RIT2: variants seen among roughly 807,000 people sequenced by gnomAD.
The protein encoded by RIT2 is GTP-binding protein Rit2.
Under a neutral mutation model 23.7 loss-of-function variants are expected in RIT2, and 24 were observed. The observed-to-expected ratio is 1.01, with a 90% confidence interval of 0.73 to 1.43. The LOEUF (loss-of-function observed/expected upper bound fraction) is 1.43. RIT2 is among the 40% of genes most tolerant of loss of function. The probability of loss-of-function intolerance (pLI) is 0.00; values close to 1 mark genes in which losing one functional copy is unlikely to be tolerated. For missense variants in RIT2, 236 were observed against 266.9 expected (o/e 0.88, Z 0.81); for synonymous variants, 107 against 91.1 (o/e 1.17, Z -0.99).
chr18:42,803,456 T>C (rs973603510), intron 4 of RIT2, among the ~76,000 whole-genome samples: 2 of 152,206 alleles, frequency 1.3e-5, no homozygotes, highest in East Asian at 3.8e-4. Flanking sequence ...TTTGATCTGA[T>C]ATTGTTTGTT....
intron 1 of RIT2, among the ~76,000 whole-genome samples, chr18:43,106,542 T>A (rs1424523554): frequency 6.6e-6 from 1 of 152,216 alleles, no homozygotes; most frequent in Non-Finnish European, 1.5e-5. Flanking sequence ...TTCAGTTCAA[T>A]TAAAGATTTT....
intron 1 of RIT2, among the ~76,000 whole-genome samples, chr18:43,062,957 GT>G (rs201375727): frequency 2.0e-5 from 3 of 151,692 alleles, no homozygotes; most frequent in Admixed American, 1.3e-4. Flanking sequence ...AAAATTTTGG[GT>G]TTTTTTTGAA....
At chr18:42,868,278 T>C (rs1907527005) in intron 4 of RIT2, among the ~76,000 whole-genome samples, 1 of 152,214 alleles carries the variant, frequency 6.6e-6, no homozygotes, top group Non-Finnish European at 1.5e-5. Flanking sequence ...CTGTCTTTTC[T>C]TCCTCAGTGG....
At chr18:42,810,972 T>C (rs1568002110) in intron 4 of RIT2, among the ~76,000 whole-genome samples, 1 of 152,074 alleles carries the variant, frequency 6.6e-6, no homozygotes. Flanking sequence ...GTATAATTTT[T>C]CCCTAGCTTT....
chr18:42,951,898 A>T (rs998990982), intron 3 of RIT2, among the ~76,000 whole-genome samples: 7 of 152,288 alleles, frequency 4.6e-5, no homozygotes, highest in Admixed American at 2.0e-4. Flanking sequence ...ATTGACTCAC[A>T]GTTCCGCATG....
intron 1 of RIT2, among the ~76,000 whole-genome samples, chr18:43,084,892 TA>T (rs943053947): frequency 1.3e-5 from 2 of 152,008 alleles, no homozygotes; most frequent in Non-Finnish European, 2.9e-5. Flanking sequence ...TAAAGTATAA[TA>T]AAAAAAGTTA....
intron 2 of RIT2, among the ~76,000 whole-genome samples, chr18:42,998,195 T>C (rs1911029555): frequency 6.6e-6 from 1 of 152,150 alleles, no homozygotes; most frequent in Admixed American, 6.6e-5. Context: ...CTCTCTATTA[T>C]GCAAAGTGCT....
At chr18:42,889,689 C>A (rs1013671469) in intron 4 of RIT2, among the ~76,000 whole-genome samples, 2 of 151,932 alleles carry the variant, frequency 1.3e-5, no homozygotes, top group Non-Finnish European at 2.9e-5. Context: ...ACATTATTGA[C>A]AAGCTTCCTT....
intron 4 of RIT2, among the ~76,000 whole-genome samples, chr18:42,823,175 T>C (rs1906199238): frequency 6.6e-6 from 1 of 152,198 alleles, no homozygotes; most frequent in African/African-American, 2.4e-5. Context: ...CATTTTCATT[T>C]TTAGTCAGAA....
At chr18:42,787,302 C>T (rs947394246) in intron 4 of RIT2, among the ~76,000 whole-genome samples, 18 of 151,974 alleles carry the variant, frequency 1.2e-4, no homozygotes, top group African/African-American at 4.4e-4. Context: ...CTACAAAGAA[C>T]ATGAACTCAT....
intron 4 of RIT2, among the ~76,000 whole-genome samples, chr18:42,796,393 T>G (rs1905361698): frequency 6.6e-6 from 1 of 152,102 alleles, no homozygotes; most frequent in African/African-American, 2.4e-5. Flanking sequence ...CGCACCACCT[T>G]AAGAGCTGTA....
Position 42,917,430 on chromosome 18 carries a change from C to T in RIT2, c.426+6142G>A, listed in dbSNP as rs145233672. On this transcript the variant is annotated intron_variant, in intron 4 of 4. Coordinates refer to ENST00000326695, the MANE Select transcript of RIT2 (RefSeq NM_002930.4). ...TTACATGAAAGGGCTCTAAACCTCA[C>T]TGTAATCTTGTCACTTGCCATCCTG... Among the ~76,000 whole-genome samples, 391 of 152,184 alleles carry T rather than the reference C, an allele frequency of 2.6e-3. 1 individual carries two copies. Among genetic ancestry groups the T allele is most frequent in the African/African-American group, 8.9e-3 (369 of 41,538 alleles).
intron 2 of RIT2, among the ~76,000 whole-genome samples, chr18:43,019,510 A>G (rs995996116): frequency 6.6e-6 from 1 of 151,996 alleles, no homozygotes; most frequent in Non-Finnish European, 1.5e-5. Flanking sequence ...AAAAAACCCC[A>G]AAAACTAGAC....
At chr18:42,822,608 C>T (rs979809396) in intron 4 of RIT2, among the ~76,000 whole-genome samples, 6 of 152,098 alleles carry the variant, frequency 3.9e-5, no homozygotes, top group East Asian at 3.9e-4. Context: ...GAGACCTGCA[C>T]CATACCTCCA....
chr18:42,992,878 C>A (rs1435801626), intron 2 of RIT2, among the ~76,000 whole-genome samples: 1 of 152,114 alleles, frequency 6.6e-6, no homozygotes, highest in Non-Finnish European at 1.5e-5. Flanking sequence ...GGTCAGAAGG[C>A]CGTTTTATTA....
At chr18:43,089,210 A>C (rs986867845) in intron 1 of RIT2, among the ~76,000 whole-genome samples, 8 of 152,120 alleles carry the variant, frequency 5.3e-5, no homozygotes, top group African/African-American at 1.9e-4. Context: ...GTCTCAGCCC[A>C]AAAACTTCTT....
rs1305293617 is a variant in RIT2 at position 43,023,758 on chromosome 18, T to C, written c.160+10053A>G. ...TCTAGCTAAGGAAGACACATATAGCTATATACTAAATAAGAAGGTAAAATG... is the reference window on the plus strand; with the variant it reads ...TCTAGCTAAGGAAGACACATATAGCCATATACTAAATAAGAAGGTAAAATG... On this transcript the variant is annotated intron_variant, in intron 2 of 4. Coordinates refer to ENST00000326695, the MANE Select transcript of RIT2 (RefSeq NM_002930.4). Among the ~76,000 whole-genome samples, 3 of 152,064 alleles carry C rather than the reference T, an allele frequency of 2.0e-5. No individual in the cohort carries two copies. In the South Asian group the frequency reaches 6.2e-4, roughly 31 times the overall value.
chr18:42,945,477 T>C (rs1469729775), intron 3 of RIT2, among the ~76,000 whole-genome samples: 1 of 152,176 alleles, frequency 6.6e-6, no homozygotes, highest in Admixed American at 6.6e-5. Context: ...TCCGTTAGAA[T>C]ATCACAGGCT....
intron 3 of RIT2, among the ~76,000 whole-genome samples, chr18:42,941,368 T>A (rs1287013512): frequency 6.6e-6 from 1 of 151,590 alleles, no homozygotes; most frequent in Non-Finnish European, 1.5e-5. Context: ...CCCTCTCCAA[T>A]GCATAATTTT....
Sources: allele counts gnomAD v4.1 joint callset (sites outside exome capture counted in the v4.1 genomes callset), GRCh38; gene constraint gnomAD v4.1.1; transcripts MANE v1.5; gene names NCBI Gene and HGNC (gene_info 2026-07-23, HGNC 2026-07-21).